SLC9A2: variants seen among roughly 807,000 people sequenced by gnomAD.
SLC9A2 encodes the protein solute carrier family 9 member A2, also known as sodium/hydrogen exchanger 2.
A neutral mutation model predicts 71.7 loss-of-function variants in SLC9A2; 42 were observed. That is an observed-to-expected ratio of 0.59 (90% CI 0.46 to 0.76). SLC9A2 has a LOEUF of 0.76. SLC9A2 is among the 30% of genes least tolerant of loss of function. The pLI is 0.00. For synonymous variants in SLC9A2, 396 were observed against 392.5 expected (o/e 1.01, Z -0.10); for missense variants, 829 against 1,017.4 (o/e 0.81, Z 2.52).
rs1321752237 is a variant in SLC9A2, at chr2:102,619,940, C to T, written c.92C>T (p.Ala31Val). The change falls in exon 1 of 12, where the codon GCC (alanine) becomes GTC (valine). Residue 31 changes from alanine to valine, a missense_variant. This residue lies in a region of SLC9A2 where 106 missense variants were observed against 93.5 expected (regional missense o/e 1.13). Transcript: ENST00000233969. The surrounding 1 kb of genome is among the most constrained non-coding windows in gnomAD (Gnocchi z 4.3). ...LLLQVAGPVG[A>V]LAETLLNAPR... ...CTGCAGGTGGCGGGGCCCGTGGGCG[C>T]CCTGGCGGAGACCTTGCTGAACGCG... 1.9e-6 allele frequency: 3 copies of T among 1,608,970 alleles called. No individual in the cohort carries two copies. The highest frequency in any genetic ancestry group is 1.3e-5 in the African/African-American group (1 of 74,828).
At chr2:102,632,775 T>C (rs1378125717) in intron 1 of SLC9A2, among the ~76,000 whole-genome samples, 3 of 152,192 alleles carry the variant, frequency 2.0e-5, no homozygotes, top group Admixed American at 6.6e-5. Context: ...ACAATACATT[T>C]AGAAATTTCA....
At chr2:102,645,877 C>T (rs1231356882) in intron 1 of SLC9A2, among the ~76,000 whole-genome samples, 1 of 152,082 alleles carries the variant, frequency 6.6e-6, no homozygotes, top group Non-Finnish European at 1.5e-5. Flanking sequence ...GGAAAACACC[C>T]TTCATGGTAT....
chr2:102,659,087 C>T (rs908822894), intron 2 of SLC9A2, among the ~76,000 whole-genome samples: 2 of 152,084 alleles, frequency 1.3e-5, no homozygotes, highest in African/African-American at 4.8e-5. Context: ...TCTCCATTTG[C>T]TCTTATCATT....
chr2:102,632,140 A>ACACATG (rs1558701568), intron 1 of SLC9A2, among the ~76,000 whole-genome samples: 1 of 91,804 alleles, frequency 1.1e-5, no homozygotes, highest in Non-Finnish European at 2.2e-5. Flanking sequence ...ATATATATGT[A>ACACATG]TATATACATA....
At chr2:102,655,932 C>T (rs1676930796) in intron 1 of SLC9A2, among the ~76,000 whole-genome samples, 1 of 152,292 alleles carries the variant, frequency 6.6e-6, no homozygotes, top group South Asian at 2.1e-4. Context: ...CTGTGAGAAG[C>T]CTCTGTTGTG....
intron 2 of SLC9A2, 147 bp from the exon 3 acceptor site, chr2:102,664,953 A>G (rs1259902841): frequency 2.4e-6 from 2 of 825,376 alleles, no homozygotes; most frequent in East Asian, 4.9e-5. Context: ...AATATGAGAC[A>G]AATGAATACA....
Position 102,665,296 on chromosome 2 carries a change from A to T in SLC9A2, c.950A>T (p.Tyr317Phe). ...RVIEPLFVFL[Y>F]SYLSYITAEM... ...ATCGAGCCACTGTTTGTTTTCCTGT[A>T]CAGTTATTTGTCCTACATCACAGCT... Residue 317 changes from tyrosine (Y) to phenylalanine (F), a missense_variant, in exon 3 of 12, where the codon TAC becomes TTC. Physicochemically the swap from Tyr to Phe is conservative, Grantham distance 22 (BLOSUM62 3). Transcript: ENST00000233969. The T allele has an allele frequency of 6.2e-7, 1 of 1,614,076 alleles. No individual in the cohort carries two copies. Among genetic ancestry groups the T allele is most frequent in the Non-Finnish European group, 8.5e-7 (1 of 1,179,994 alleles).
At chr2:102,694,588 T>C in intron 6 of SLC9A2, 85 bp downstream of exon 6, 1 of 597,296 alleles carries the variant, frequency 1.7e-6, no homozygotes, top group Non-Finnish European at 2.8e-6. Context: ...CGTTGTCCAT[T>C]TCCTGAAGAA....
At chr2:102,668,108 T>G (rs1264080963) in intron 3 of SLC9A2, among the ~76,000 whole-genome samples, 1 of 151,966 alleles carries the variant, frequency 6.6e-6, no homozygotes, top group East Asian at 1.9e-4. Flanking sequence ...ACTAAAATTG[T>G]CATGGCTTAT....
At chr2:102,696,899 G>T (rs1307588510) in intron 7 of SLC9A2, among the ~76,000 whole-genome samples, 2 of 152,158 alleles carry the variant, frequency 1.3e-5, no homozygotes, top group African/African-American at 2.4e-5. Context: ...CTGGAGGCAG[G>T]TGGTAGACCA....
At chr2:102,661,255 T>C (rs1201913740) in intron 2 of SLC9A2, among the ~76,000 whole-genome samples, 1 of 152,226 alleles carries the variant, frequency 6.6e-6, no homozygotes, top group Non-Finnish European at 1.5e-5. Flanking sequence ...CTAATAAATT[T>C]TCCGAGAAGA....
At chr2:102,673,954 AT>A (rs1677302513) in intron 3 of SLC9A2, among the ~76,000 whole-genome samples, 1 of 151,762 alleles carries the variant, frequency 6.6e-6, no homozygotes, top group Non-Finnish European at 1.5e-5. Context: ...CGCCCGGCTA[AT>A]TTTTTGTATT....
chr2:102,638,669 T>C (rs1056022520), intron 1 of SLC9A2, among the ~76,000 whole-genome samples: 1 of 152,264 alleles, frequency 6.6e-6, no homozygotes, highest in African/African-American at 2.4e-5. Context: ...CTCAGCCTTT[T>C]GATCAAGTGT....
At chr2:102,670,471 G>A (rs1677224871) in intron 3 of SLC9A2, among the ~76,000 whole-genome samples, 2 of 151,734 alleles carry the variant, frequency 1.3e-5, no homozygotes, top group Admixed American at 6.6e-5. Flanking sequence ...TCATTCTTAT[G>A]AATAAATAAA....
At position 102,663,466 on chromosome 2, in the gene SLC9A2, A is replaced by T. The variant is rs183493984; in HGVS notation, c.754-1634A>T. Among the ~76,000 whole-genome samples the T allele has an allele frequency of 3.1e-3, 476 of 152,322 alleles. 7 individuals are homozygous for T. Among genetic ancestry groups the T allele is most frequent in the Admixed American group, 0.022 (332 of 15,296 alleles). ...AGTAGAAAGGAGTAAAGAATAACAT[A>T]TTAAACCCATATTGTGGTAGGCTAT... On this transcript the variant is annotated intron_variant, in intron 2 of 11. Coordinates refer to ENST00000233969, the MANE Select transcript of SLC9A2 (RefSeq NM_003048.6).
At chr2:102,695,793 A>ATATATATAT (rs1553429177) in intron 7 of SLC9A2, among the ~76,000 whole-genome samples, 2 of 40,068 alleles carry the variant, frequency 5.0e-5, no homozygotes, top group Non-Finnish European at 1.1e-4. Flanking sequence ...TATATATTAT[A>ATATATATAT]TATATATTAT....
At chr2:102,621,336 G>A (rs1322370234) in intron 1 of SLC9A2, among the ~76,000 whole-genome samples, 3 of 126,250 alleles carry the variant, frequency 2.4e-5, no homozygotes, top group Admixed American at 9.7e-5. Flanking sequence ...GCCACAGAGA[G>A]ATACCTTGTC....
intron 1 of SLC9A2, among the ~76,000 whole-genome samples, chr2:102,635,368 G>A (rs189742141): frequency 8.5e-4 from 130 of 152,318 alleles, no homozygotes; most frequent in African/African-American, 2.5e-3. Context: ...TTGTGTGTTC[G>A]CTCGTGAAGT....
intron 1 of SLC9A2, among the ~76,000 whole-genome samples, chr2:102,648,828 A>C (rs1676779171): frequency 6.6e-6 from 1 of 152,204 alleles, no homozygotes; most frequent in South Asian, 2.1e-4. Flanking sequence ...TCAAGGAAAT[A>C]AGAGAGGACA....
Sources: gnomAD v4.1 joint callset for allele counts (sites outside exome capture counted in the v4.1 genomes callset) on GRCh38, gnomAD v4.1.1 for gene constraint, gnomAD v4.1.1 regional missense constraint, Gnocchi (gnomAD v3.1) non-coding constraint, MANE v1.5 for transcripts, NCBI Gene and HGNC (gene_info 2026-07-23, HGNC 2026-07-21) for gene names.